Variants in CTNNA3 observed in about 807,000 individuals in gnomAD.
CTNNA3 encodes catenin alpha-3.
Under a neutral mutation model 95.7 loss-of-function variants are expected in CTNNA3, and 76 were observed. The ratio of observed to expected loss-of-function variants is 0.79; its 90% confidence interval spans 0.66 to 0.96. The LOEUF (loss-of-function observed/expected upper bound fraction) is 0.96. Among genes scored for constraint, CTNNA3 ranks in the 40% least tolerant of loss-of-function variants. The probability of loss-of-function intolerance (pLI) is 0.00; values close to 1 mark genes in which losing one functional copy is unlikely to be tolerated. For missense variants in CTNNA3, 1,191 were observed against 1,089.8 expected (o/e 1.09, Z -1.31); for synonymous variants, 431 against 374.4 (o/e 1.15, Z -1.74).
intron 9 of CTNNA3, among the ~76,000 whole-genome samples, chr10:66,726,142 T>G (rs774931887): frequency 5.9e-5 from 9 of 152,022 alleles, no homozygotes; most frequent in Non-Finnish European, 1.0e-4. Context: ...GTATGTTGAG[T>G]GCTTTTGCAA....
intron 13 of CTNNA3, among the ~76,000 whole-genome samples, chr10:66,246,358 G>A (rs1328359515): frequency 6.6e-6 from 1 of 152,120 alleles, no homozygotes; most frequent in African/African-American, 2.4e-5. Flanking sequence ...CATGGAGCTG[G>A]AGGTTGGAGT....
intron 7 of CTNNA3, among the ~76,000 whole-genome samples, chr10:67,111,356 C>A (rs1666569294): frequency 1.3e-5 from 2 of 152,038 alleles, no homozygotes; most frequent in African/African-American, 2.4e-5. Context: ...CAAAGTAAGC[C>A]TTTCTTTTTA....
At chr10:66,144,861 T>G (rs2083800264) in intron 13 of CTNNA3, among the ~76,000 whole-genome samples, 1 of 152,232 alleles carries the variant, frequency 6.6e-6, no homozygotes, top group South Asian at 2.1e-4. Flanking sequence ...TGGAGAAGTC[T>G]CAATACCAAA....
At chr10:66,435,578 T>C (rs1467385894) in intron 11 of CTNNA3, among the ~76,000 whole-genome samples, 1 of 152,186 alleles carries the variant, frequency 6.6e-6, no homozygotes, top group Non-Finnish European at 1.5e-5. Flanking sequence ...TTTTCTTCTT[T>C]ATTAGTCTGG....
chr10:66,132,822 C>T (rs1310741176), intron 13 of CTNNA3, among the ~76,000 whole-genome samples: 2 of 152,162 alleles, frequency 1.3e-5, no homozygotes, highest in South Asian at 4.1e-4. Flanking sequence ...ACCACATGTT[C>T]TCACTTATAG....
At chr10:66,148,400 T>C (rs1178050697) in intron 13 of CTNNA3, among the ~76,000 whole-genome samples, 81 of 151,990 alleles carry the variant, frequency 5.3e-4, no homozygotes, top group Non-Finnish European at 2.9e-5. Context: ...TCCTCGAAAA[T>C]TCATGTTGAA....
intron 1 of CTNNA3, chr10:67,750,398 G>C: frequency 2.0e-6 from 3 of 1,489,024 alleles, no homozygotes; most frequent in South Asian, 2.3e-5. Flanking sequence ...CATTGATGCA[G>C]GATATCGCCA....
intron 9 of CTNNA3, among the ~76,000 whole-genome samples, chr10:66,652,932 A>G (rs180955579): frequency 8.0e-4 from 122 of 152,308 alleles, no homozygotes; most frequent in African/African-American, 2.8e-3. Flanking sequence ...AACAAAATTC[A>G]ATATCCTTTT....
chr10:65,964,658 T>C (rs2077919936), intron 17 of CTNNA3, among the ~76,000 whole-genome samples: 1 of 152,164 alleles, frequency 6.6e-6, no homozygotes, highest in South Asian at 2.1e-4. Flanking sequence ...CATGAAACTG[T>C]ATATTTGAAA....
At chr10:66,011,459 G>A (rs1056626323) in intron 15 of CTNNA3, among the ~76,000 whole-genome samples, 1 of 152,080 alleles carries the variant, frequency 6.6e-6, no homozygotes, top group African/African-American at 2.4e-5. Context: ...AAGTTTTAAT[G>A]CTACCCATAC....
At chr10:66,161,891 T>C (rs964327934) in intron 13 of CTNNA3, among the ~76,000 whole-genome samples, 2 of 152,124 alleles carry the variant, frequency 1.3e-5, no homozygotes, top group African/African-American at 4.8e-5. Flanking sequence ...GCTGTGTTCA[T>C]ATTTTTTTAT....
intron 7 of CTNNA3, among the ~76,000 whole-genome samples, chr10:67,084,506 C>A (rs562493010): frequency 1.3e-5 from 2 of 149,454 alleles, no homozygotes; most frequent in East Asian, 1.9e-4. Flanking sequence ...TCATTCACAG[C>A]AGAACACCCT....
chr10:67,153,236 A>T (rs544448111), intron 7 of CTNNA3, among the ~76,000 whole-genome samples: 66 of 152,252 alleles, frequency 4.3e-4, no homozygotes, highest in African/African-American at 1.5e-3. Flanking sequence ...TTGACCTCCC[A>T]AAGTGCTGGG....
chr10:65,960,078 TGA>T (rs1367142556), intron 17 of CTNNA3, among the ~76,000 whole-genome samples: 1 of 152,240 alleles, frequency 6.6e-6, no homozygotes. Context: ...AAATGAAACT[TGA>T]ATAGAGTGCT....
intron 15 of CTNNA3, among the ~76,000 whole-genome samples, chr10:66,007,555 G>A (rs188909704): frequency 5.1e-4 from 77 of 152,282 alleles, no homozygotes; most frequent in Non-Finnish European, 5.9e-5. Context: ...TCATGTGGAT[G>A]TGTCCTTGCC....
At chr10:67,444,021 T>C (rs1310161857) in intron 5 of CTNNA3, among the ~76,000 whole-genome samples, 2 of 152,178 alleles carry the variant, frequency 1.3e-5, no homozygotes, top group African/African-American at 2.4e-5. Flanking sequence ...AGAAATGTAA[T>C]ATTTAATCTG....
chr10:67,445,808 T>C (rs1276237356), intron 5 of CTNNA3, among the ~76,000 whole-genome samples: 1 of 152,226 alleles, frequency 6.6e-6, no homozygotes, highest in African/African-American at 2.4e-5. Flanking sequence ...AAATTTTATT[T>C]CAGCAAATTA....
At chr10:67,188,066 A>C (rs1862942836) in intron 6 of CTNNA3, among the ~76,000 whole-genome samples, 1 of 152,246 alleles carries the variant, frequency 6.6e-6, no homozygotes, top group Non-Finnish European at 1.5e-5. Flanking sequence ...CTCAGAACTT[A>C]ACACTATTAA....
intron 7 of CTNNA3, among the ~76,000 whole-genome samples, chr10:66,902,566 C>A (rs1001914516): frequency 6.6e-6 from 1 of 152,046 alleles, no homozygotes; most frequent in Non-Finnish European, 1.5e-5. Context: ...CACAAAAAAA[C>A]ACTTCAAAAA....
Sources: allele counts gnomAD v4.1 joint callset (sites outside exome capture counted in the v4.1 genomes callset), GRCh38; gene constraint gnomAD v4.1.1; transcripts MANE v1.5; gene names NCBI Gene and HGNC (gene_info 2026-07-23, HGNC 2026-07-21).